ARSG: variants seen among roughly 807,000 people sequenced by gnomAD.
ARSG encodes ASG.
ARSG carries 37 observed loss-of-function variants against 50.5 expected under a neutral mutation model. The observed-to-expected ratio is 0.73, with a 90% CI of 0.56 to 0.96. ARSG has a LOEUF of 0.96. ARSG is among the 50% of genes least tolerant of loss of function. The pLI, the probability that ARSG is intolerant of heterozygous loss-of-function variation, is 0.00. For synonymous variants in ARSG, 225 were observed against 254.6 expected (o/e 0.88, Z 1.11); for missense variants, 629 against 675.3 (o/e 0.93, Z 0.76).
rs748352893 is a variant in ARSG, at chr17:68,343,675, G to A, written c.290G>A (p.Gly97Asp). ...SRASLLTGRL[G>D]LRNGVTRNFA... ...GCTTCCTTGCTCACCGGCCGGCTTGGCCTTCGCAATGGAGTCACACGCAAC... is the reference window on the plus strand; with the variant it reads ...GCTTCCTTGCTCACCGGCCGGCTTGACCTTCGCAATGGAGTCACACGCAAC... The change falls in exon 3 of 12, where the codon GGC (glycine) becomes GAC (aspartate). Residue 97 changes from glycine (G) to aspartate (D), a missense_variant. By Grantham distance (94) the Gly-to-Asp change is moderately conservative (BLOSUM62 -1). Coordinates refer to ENST00000621439, the MANE Select transcript of ARSG (RefSeq NM_001267727.2). The A allele has an allele frequency of 1.2e-5, 20 of 1,614,022 alleles. No individual in the cohort carries two copies. Among genetic ancestry groups the A allele is most frequent in the Non-Finnish European group, 1.4e-5 (17 of 1,180,014 alleles).
chr17:68,379,335 G>A (rs111333053), intron 8 of ARSG, among the ~76,000 whole-genome samples: 326 of 151,958 alleles, frequency 2.1e-3, no homozygotes, highest in African/African-American at 7.5e-3. Context: ...TGACCTCCGG[G>A]GCTCAAGCAA....
chr17:68,450,115 A>G, the ARSG span, among the ~76,000 whole-genome samples: 10 of 152,252 alleles, frequency 6.6e-5, no homozygotes, highest in Non-Finnish European at 1.3e-4. Flanking sequence ...AAAAGAGAAC[A>G]TATTGCCTAT....
At chr17:68,278,471 A>T in intron 1 of ARSG, 1 of 606,340 alleles carries the variant, frequency 1.6e-6, no homozygotes, top group Non-Finnish European at 2.9e-6. Context: ...ATTTATTGAG[A>T]TGGAGTCTTG....
upstream of ARSG, among the ~76,000 whole-genome samples, chr17:68,287,189 A>G (rs546652508): frequency 3.3e-5 from 5 of 152,272 alleles, no homozygotes; most frequent in African/African-American, 1.2e-4. Context: ...CATGTTGGTC[A>G]GGCTGGTCTT....
intron 2 of ARSG, among the ~76,000 whole-genome samples, chr17:68,314,479 T>G (rs1269198681): frequency 4.0e-5 from 6 of 150,418 alleles, no homozygotes; most frequent in Non-Finnish European, 7.4e-5. Flanking sequence ...TGAGCTGAGA[T>G]TGCGCCATTG....
intron 10 of ARSG, among the ~76,000 whole-genome samples, chr17:68,397,715 G>A (rs2081304681): frequency 6.6e-6 from 1 of 152,064 alleles, no homozygotes; most frequent in African/African-American, 2.4e-5. Context: ...TTATACGTGT[G>A]CATGCATATT....
At chr17:68,361,590 A>G (rs899395014) in intron 6 of ARSG, among the ~76,000 whole-genome samples, 2 of 151,704 alleles carry the variant, frequency 1.3e-5, no homozygotes, top group Non-Finnish European at 2.9e-5. Flanking sequence ...AAACAAACAA[A>G]TAGGTCCTTC....
intron 6 of ARSG, among the ~76,000 whole-genome samples, chr17:68,360,053 A>G (rs2079209560): frequency 6.6e-6 from 1 of 152,142 alleles, no homozygotes; most frequent in African/African-American, 2.4e-5. Context: ...AGGGGAAGGA[A>G]TGGGGACTCG....
At chr17:68,326,328 A>G (rs2077502023) in intron 2 of ARSG, among the ~76,000 whole-genome samples, 1 of 152,170 alleles carries the variant, frequency 6.6e-6, no homozygotes, top group South Asian at 2.1e-4. Flanking sequence ...GGACAGAGGG[A>G]ACACAAAAAG....
intron 1 of ARSG, chr17:68,273,800 A>G: frequency 8.8e-7 from 1 of 1,141,944 alleles, no homozygotes; most frequent in Non-Finnish European, 1.2e-6. Flanking sequence ...CTGATCTGAG[A>G]CACTGTTAAT....
At chr17:68,435,221 A>T in the ARSG span, among the ~76,000 whole-genome samples, 1 of 151,646 alleles carries the variant, frequency 6.6e-6, no homozygotes, top group Non-Finnish European at 1.5e-5. Context: ...AAAAAAAAAA[A>T]ATTCAATTGG....
In ARSG at chr17:68,378,576, C is replaced by CCCCTGCT. The variant is rs1255895813; in HGVS notation, c.983-6488_983-6487insCCCTGCT. Among the ~76,000 whole-genome samples, 1 of 152,120 alleles carries CCCCTGCT rather than the reference C, an allele frequency of 6.6e-6. No homozygotes were observed. The highest frequency in any genetic ancestry group is 1.9e-4 in the East Asian group (1 of 5,172). ...TGCCTTCTCCCGAAGAAGAAGGGCACGAGTCAGACACCCCTGCTGTCTCTG... is the reference window on the plus strand; with the variant it reads ...TGCCTTCTCCCGAAGAAGAAGGGCACCCCTGCTGAGTCAGACACCCCTGCTGTCTCTG... On this transcript the variant is annotated intron_variant, in intron 8 of 11. Coordinates refer to ENST00000621439, the MANE Select transcript of ARSG (RefSeq NM_001267727.2). This position sits in a 1 kb window ranked among gnomAD's most constrained non-coding sequence, Gnocchi z 4.4.
At chr17:68,400,106 A>T (rs1466200239) in intron 10 of ARSG, 1 of 152,180 alleles carries the variant, frequency 6.6e-6, no homozygotes, top group Non-Finnish European at 1.5e-5. Flanking sequence ...TTACTGCTCC[A>T]ACAGATGTTT....
At chr17:68,356,881 T>C in intron 6 of ARSG, 77 bp downstream of exon 6, 1 of 1,578,122 alleles carries the variant, frequency 6.3e-7, no homozygotes, top group Non-Finnish European at 8.6e-7. Flanking sequence ...TCCCTTGGCC[T>C]CAGCACGCTT....
chr17:68,269,673 G>GT (rs782421181), intron 1 of ARSG, among the ~76,000 whole-genome samples: 144 of 77,884 alleles, frequency 1.8e-3, no homozygotes, highest in Non-Finnish European at 1.9e-3. Context: ...TTCACTTTAG[G>GT]TTTTTTTTTT....
the ARSG span, among the ~76,000 whole-genome samples, chr17:68,437,014 A>ATGTGTGTGTGTGTGTGTGTG: frequency 5.0e-4 from 41 of 82,136 alleles, no homozygotes; most frequent in African/African-American, 1.5e-3. Flanking sequence ...AAATATATAT[A>ATGTGTGTGTGTGTGTGTGTG]TATGTGTGTG....
the ARSG span, among the ~76,000 whole-genome samples, chr17:68,429,518 C>G: frequency 1.3e-5 from 2 of 152,184 alleles, no homozygotes; most frequent in African/African-American, 4.8e-5. Flanking sequence ...CTGGCTGCCC[C>G]CTGAGAATCC....
the ARSG span, chr17:68,441,109 C>G: frequency 6.6e-6 from 1 of 152,234 alleles, no homozygotes; most frequent in Non-Finnish European, 1.5e-5. Flanking sequence ...ACCACCTCCT[C>G]CATACTGGGA....
At chr17:68,416,955 G>T (rs2147508902) in intron 11 of ARSG, among the ~76,000 whole-genome samples, 1 of 152,228 alleles carries the variant, frequency 6.6e-6, no homozygotes, top group South Asian at 2.1e-4. Context: ...CTAACCTCCT[G>T]AATTCTTTTT....
Sources: gnomAD v4.1 joint callset for allele counts (sites outside exome capture counted in the v4.1 genomes callset) on GRCh38, gnomAD v4.1.1 for gene constraint, Gnocchi (gnomAD v3.1) non-coding constraint, MANE v1.5 for transcripts, NCBI Gene and HGNC (gene_info 2026-07-23, HGNC 2026-07-21) for gene names.